The following MYLK3 variants were observed in gnomAD, a reference collection of about 807,000 sequenced individuals.
The protein encoded by MYLK3 is myosin light chain kinase 3, also known as MLC kinase.
Under a neutral mutation model 76.3 loss-of-function variants are expected in MYLK3, and 55 were observed. The observed-to-expected ratio is 0.72, with a 90% CI of 0.58 to 0.90. The LOEUF is 0.90. Ranked by LOEUF, MYLK3 falls within the 40% of genes least tolerant of loss-of-function variation. The pLI is 0.00. For missense variants in MYLK3, 973 were observed against 1,053.6 expected, an observed-to-expected ratio of 0.92 and a Z score of 1.06; for synonymous variants, 416 against 425.4, an observed-to-expected ratio of 0.98 and a Z score of 0.27.
intron 2 of MYLK3, 139 bp downstream of exon 2, chr16:46,739,918 C>CA (rs1195843231): frequency 4.7e-6 from 3 of 642,298 alleles, no homozygotes; most frequent in East Asian, 2.6e-5. Context: ...ATATATATGA[C>CA]AAAAAACCCT....
intron 11 of MYLK3, 124 bp downstream of exon 11, chr16:46,710,513 C>T: frequency 8.9e-7 from 1 of 1,125,196 alleles, no homozygotes; most frequent in Non-Finnish European, 1.3e-6. Flanking sequence ...AAGTAGCAAA[C>T]TAAGAAATCT....
intron 3 of MYLK3, among the ~76,000 whole-genome samples, chr16:46,733,450 C>T (rs377286727): frequency 1.3e-5 from 2 of 152,192 alleles, no homozygotes; most frequent in African/African-American, 4.8e-5. Flanking sequence ...GTGCTGGGCC[C>T]ACGTGCCCAC....
intron 1 of MYLK3, among the ~76,000 whole-genome samples, chr16:46,745,903 C>T (rs146251664): frequency 1.4e-3 from 209 of 152,124 alleles, no homozygotes; most frequent in Middle Eastern, 6.8e-3. Context: ...TCAGAATCCA[C>T]GCTTGCCTAG....
chr16:46,750,330 G>A (rs865794201), upstream of MYLK3, among the ~76,000 whole-genome samples: 2 of 152,232 alleles, frequency 1.3e-5, no homozygotes, highest in African/African-American at 4.8e-5. Context: ...GGTCTCTGGA[G>A]GAGAGACTTT....
chr16:46,736,646 C>A (rs1314900508), intron 3 of MYLK3, among the ~76,000 whole-genome samples: 1 of 152,176 alleles, frequency 6.6e-6, no homozygotes, highest in Non-Finnish European at 1.5e-5. Context: ...GGGAGGCTCC[C>A]ATTTCCTCCT....
chr16:46,738,257 G>T, intron 2 of MYLK3, 114 bp from the exon 3 acceptor site: 1 of 973,170 alleles, frequency 1.0e-6, no homozygotes, highest in Non-Finnish European at 1.5e-6. Flanking sequence ...AATAGCCAAA[G>T]ACTGGAAGCA....
chr16:46,719,015 A>G (rs1596751390), intron 9 of MYLK3, among the ~76,000 whole-genome samples: 1 of 151,854 alleles, frequency 6.6e-6, no homozygotes, highest in African/African-American at 2.4e-5. Context: ...ATTCAGCTGC[A>G]GCTGAAAGAC....
At chr16:46,749,488 C>T (rs1326437352), upstream of MYLK3, among the ~76,000 whole-genome samples, 1 of 152,224 alleles carries the variant, frequency 6.6e-6, no homozygotes, top group Admixed American at 6.5e-5. Context: ...CTATTAGGGC[C>T]GGATGCAGTG....
In MYLK3 at chr16:46,732,667, T is replaced by C. The variant is rs774763827; in HGVS notation, c.1003A>G (p.Ile335Val). 1.3e-6 allele frequency: 2 copies of C among 1,504,290 alleles called. No individual in the cohort carries two copies. The highest frequency in any genetic ancestry group is 2.3e-5 in the East Asian group (1 of 43,630). The allele number at this position is 1,504,290 out of a possible 1,614,324, so 93.2% of individuals were successfully genotyped here. ...THSGGETPPR[I>V]SIHIQEMDTP... ...TCCATCTCTTGTATGTGGATGGAGA[T>C]CCTGGGGTGGAGAGAAACATGGTGC... is the stretch of plus-strand genomic sequence containing the variant. The change falls in exon 4 of 13, where the codon ATC becomes GTC. Residue 335 changes from isoleucine (I) to valine (V), a missense_variant and splice_region_variant. Coordinates refer to ENST00000394809, the MANE Select transcript of MYLK3 (RefSeq NM_182493.3).
intron 7 of MYLK3, among the ~76,000 whole-genome samples, chr16:46,727,843 T>C (rs770044260): frequency 6.6e-6 from 1 of 152,140 alleles, no homozygotes; most frequent in Non-Finnish European, 1.5e-5. Context: ...TGGGGTTTTA[T>C]TGGGACCTTT....
intron 9 of MYLK3, among the ~76,000 whole-genome samples, chr16:46,715,168 ATTTC>A (rs1332961839): frequency 2.6e-5 from 4 of 152,166 alleles, no homozygotes; most frequent in Non-Finnish European, 5.9e-5. Context: ...TTTTAATATA[ATTTC>A]TTTATTTGTA....
In MYLK3 at chr16:46,754,249, G is replaced by A. The variant is rs567834706; in HGVS notation, c.-114+8791C>T. On this transcript the variant is annotated intron_variant, in intron 1 of 11. Coordinates refer to the MYLK3 transcript ENST00000536476. ...AAGAATTTATAAAAGAAATACTACAGTCATTATGCAATTTTAGAACACAGG... is the reference window on the plus strand; with the variant it reads ...AAGAATTTATAAAAGAAATACTACAATCATTATGCAATTTTAGAACACAGG... 4.0e-5 allele frequency among the ~76,000 whole-genome samples: 6 copies of A among 151,498 alleles called. No individual in the cohort carries two copies. In the South Asian group the frequency reaches 1.0e-3, roughly 26 times the overall value.
chr16:46,736,977 T>C (rs1016853872), intron 3 of MYLK3, among the ~76,000 whole-genome samples: 1 of 152,190 alleles, frequency 6.6e-6, no homozygotes, highest in African/African-American at 2.4e-5. Context: ...CTGCCACGAC[T>C]CCACCTCCAG....
At chr16:46,727,150 G>C (rs1966844302) in intron 8 of MYLK3, 86 bp downstream of exon 8, 3 of 1,463,534 alleles carry the variant, frequency 2.0e-6, no homozygotes, top group African/African-American at 2.8e-5. Flanking sequence ...AGCTGGGACT[G>C]TCTGTGGATA....
intron 1 of MYLK3, chr16:46,757,362 C>T: frequency 2.0e-6 from 2 of 985,022 alleles, no homozygotes; most frequent in Non-Finnish European, 2.4e-6. Flanking sequence ...TAGTCCCGTG[C>T]CCTACCAATT....
Position 46,709,562 on chromosome 16 carries a change from A to G in MYLK3, c.2377T>C (p.Tyr793His), listed in dbSNP as rs774352112. Reference sequence around the variant, plus strand: ...ACCTTCCATTTTCTTTGAGCTATGTATTTCTGCAGCAGTAGTTGGGATTTG... The same window carrying G: ...ACCTTCCATTTTCTTTGAGCTATGTGTTTCTGCAGCAGTAGTTGGGATTTG... ...RLKSQLLLQK[Y>H]IAQRKWKKHF... Residue 793 changes from tyrosine (Y) to histidine (H), a missense_variant, in exon 12 of 13, where the codon TAC (tyrosine) becomes CAC (histidine). By Grantham distance (83) the Tyr-to-His change is moderately conservative. Transcript: ENST00000394809. The G allele has an allele frequency of 2.4e-5, 39 of 1,613,894 alleles. No homozygotes were observed. Among genetic ancestry groups the G allele is most frequent in the Non-Finnish European group, 2.9e-5 (34 of 1,180,004 alleles).
chr16:46,744,882 T>C (rs1567291247), intron 1 of MYLK3, among the ~76,000 whole-genome samples: 1 of 152,114 alleles, frequency 6.6e-6, no homozygotes, highest in Non-Finnish European at 1.5e-5. Flanking sequence ...GGTGTGATGA[T>C]AGTATCAAGA....
intron 4 of MYLK3, 66 bp from the exon 5 acceptor site, chr16:46,730,764 G>A (rs750406742): frequency 2.2e-5 from 31 of 1,421,862 alleles, no homozygotes; most frequent in Non-Finnish European, 2.6e-5. Flanking sequence ...GGTCACCTGT[G>A]CCAGACCCAC....
At chr16:46,758,398 G>A (rs1339972839) in intron 1 of MYLK3, among the ~76,000 whole-genome samples, 1 of 151,806 alleles carries the variant, frequency 6.6e-6, no homozygotes, top group Non-Finnish European at 1.5e-5. Flanking sequence ...AGACAGGGCT[G>A]TCGGCTTCTG....
Sources: allele counts gnomAD v4.1 joint callset (sites outside exome capture counted in the v4.1 genomes callset), GRCh38; gene constraint gnomAD v4.1.1; transcripts MANE v1.5; gene names NCBI Gene and HGNC (gene_info 2026-07-23, HGNC 2026-07-21).